Variants in ARID1B observed in about 807,000 individuals in gnomAD.
ARID1B encodes the protein AT-rich interactive domain-containing protein 1B.
Under a neutral mutation model 212.3 loss-of-function variants are expected in ARID1B, and 30 were observed. The ratio of observed to expected loss-of-function variants is 0.14; its 90% CI spans 0.11 to 0.19. The LOEUF is 0.19. Ranked by LOEUF, ARID1B falls within the 10% of genes least tolerant of loss-of-function variation. ARID1B has a pLI of 1.00. For missense variants in ARID1B, 2,891 were observed against 3,204.0 expected (o/e 0.90, Z 2.36); for synonymous variants, 1,402 against 1,301.7 (o/e 1.08, Z -1.66).
intron 5 of ARID1B, among the ~76,000 whole-genome samples, chr6:157,106,460 C>T (rs1322061004): frequency 6.6e-6 from 1 of 152,136 alleles, no homozygotes; most frequent in Non-Finnish European, 1.5e-5. Context: ...GGAGTGAGGT[C>T]CTGAGATTCT....
intron 4 of ARID1B, among the ~76,000 whole-genome samples, chr6:156,970,846 T>C (rs1490227370): frequency 1.3e-5 from 2 of 152,212 alleles, no homozygotes; most frequent in African/African-American, 4.8e-5. Context: ...CTCAGTTCTC[T>C]CTCAGCCTAG....
chr6:157,019,512 T>A (rs1389546074), intron 4 of ARID1B, among the ~76,000 whole-genome samples: 1 of 152,222 alleles, frequency 6.6e-6, no homozygotes, highest in African/African-American at 2.4e-5. Flanking sequence ...TAGTGTTACC[T>A]GAGTCCATGT....
Position 157,208,715 on chromosome 6 carries a change from C to CTT in ARID1B, c.*841_*842dup, listed in dbSNP as rs878880822. 3,244 of 150,012 alleles carry CTT rather than the reference C, an allele frequency of 0.022. 104 individuals are homozygous for CTT. The highest frequency in any genetic ancestry group is 0.099 in the African/African-American group (2,808 of 28,360). 9.3% of individuals were successfully genotyped at this position (150,012 alleles called of 1,614,324 possible). On this transcript the variant is annotated 3_prime_UTR_variant, in exon 20 of 20. Coordinates refer to ENST00000636930, the MANE Select transcript of ARID1B (RefSeq NM_001374828.1). ...AAACATACCCTCATTTTTTTCTTTT[C>CTT]TTTTTTTTTTTTTTTTTTAGTACAA...
At chr6:157,042,252 C>G (rs956563985) in intron 4 of ARID1B, among the ~76,000 whole-genome samples, 5 of 152,136 alleles carry the variant, frequency 3.3e-5, no homozygotes, top group Admixed American at 1.3e-4. Flanking sequence ...GGGGTAAATT[C>G]TTAGGGCTTG....
At chr6:156,959,991 C>A (rs1022041581) in intron 4 of ARID1B, among the ~76,000 whole-genome samples, 1 of 144,322 alleles carries the variant, frequency 6.9e-6, no homozygotes, top group African/African-American at 2.6e-5. Flanking sequence ...AGTGCAATGG[C>A]GCGATCTTGG....
At chr6:157,189,526 A>G in intron 13 of ARID1B, 116 bp from the exon 14 acceptor site, 1 of 1,244,870 alleles carries the variant, frequency 8.0e-7, no homozygotes. Flanking sequence ...ACTGTTTCTA[A>G]TAAGATGGTG....
intron 12 of ARID1B, among the ~76,000 whole-genome samples, chr6:157,183,816 T>C (rs150954698): frequency 0.024 from 3,719 of 152,318 alleles, 139 homozygotes; most frequent in African/African-American, 0.084. Context: ...GGTGAGGGGA[T>C]GGGTACGGCC....
rs1394730320 is a variant in ARID1B at position 156,778,450 on chromosome 6, C to G, written c.770C>G (p.Pro257Arg). ...DSAAGGQADP[P>R]GPPLLSKPGD... ...GCTGCGGGCGGCCAGGCCGACCCCC[C>G]GGGCCCGCCGCTGCTGAGCAAGCCG... Residue 257 changes from proline (P) to arginine (R), a missense_variant, in exon 1 of 20, where the codon CCG becomes CGG. Physicochemically the swap from Pro to Arg is moderately radical, Grantham distance 103 (BLOSUM62 -2). Coordinates refer to ENST00000636930, the MANE Select transcript of ARID1B (RefSeq NM_001374828.1). 7.1e-7 allele frequency: 1 copy of G among 1,406,236 alleles called. No homozygotes were observed. The highest frequency in any genetic ancestry group is 9.2e-7 in the Non-Finnish European group (1 of 1,088,874). 87.1% of individuals were successfully genotyped at this position (1,406,236 alleles called of 1,614,324 possible). A position where few individuals can be genotyped will look rare whatever the true frequency, so the allele number is the denominator to read the frequency against.
chr6:157,126,447 C>T (rs547246482), intron 6 of ARID1B, among the ~76,000 whole-genome samples: 13 of 151,612 alleles, frequency 8.6e-5, no homozygotes, highest in African/African-American at 3.1e-4. Flanking sequence ...TTTTTTTTCC[C>T]CTAAAGGGCA....
chr6:157,123,719 A>C (rs1367495685), intron 6 of ARID1B, among the ~76,000 whole-genome samples: 15 of 152,248 alleles, frequency 9.9e-5, no homozygotes, highest in Admixed American at 8.5e-4. Context: ...TAAATGGTGG[A>C]TTGCATTAAA....
chr6:156,826,171 G>A (rs287875), intron 1 of ARID1B, among the ~76,000 whole-genome samples: 3,474 of 152,292 alleles, frequency 0.023, 62 homozygotes, highest in Non-Finnish European at 0.038. Context: ...TTGCTTGTAG[G>A]CTGTGGGGCC....
At position 157,001,528 on chromosome 6, in the gene ARID1B, C is replaced by T. The variant is rs182636476; in HGVS notation, c.2247+65952C>T. ...CATCGAAGCAGCTACTTCATGGTCT[C>T]CCTGTTTTAAGTTATTGAAGGTCCC... is the stretch of plus-strand genomic sequence containing the variant. On this transcript the variant is annotated intron_variant, in intron 4 of 19. Transcript: ENST00000636930. Among the ~76,000 whole-genome samples the T allele has an allele frequency of 1.0e-3, 156 of 152,278 alleles. 1 individual carries two copies. Among genetic ancestry groups the T allele is most frequent in the Non-Finnish European group, 1.3e-4 (9 of 68,018 alleles).
rs1426072822 is a variant in ARID1B at position 157,210,707 on chromosome 6, A to C, written c.*2816A>C. 1 of 124,292 alleles carries C rather than the reference A, an allele frequency of 8.0e-6. No homozygotes were observed. 7.7% of individuals were successfully genotyped at this position (124,292 alleles called of 1,614,324 possible). On this transcript the variant is annotated 3_prime_UTR_variant, in exon 20 of 20. Transcript: ENST00000636930. ...GATGCCCAGACTTTACATGTGTACC[A>C]AAAAAAAAAAAAAGATAAAAAATAA...
At chr6:156,874,313 C>A (rs1023173888) in intron 2 of ARID1B, among the ~76,000 whole-genome samples, 2 of 152,202 alleles carry the variant, frequency 1.3e-5, no homozygotes, top group African/African-American at 4.8e-5. Context: ...AGCTATCCAG[C>A]CACTTCAGCC....
At chr6:156,887,074 A>G (rs1339325078) in intron 2 of ARID1B, among the ~76,000 whole-genome samples, 1 of 152,184 alleles carries the variant, frequency 6.6e-6, no homozygotes, top group Middle Eastern at 3.2e-3. Context: ...AGATTTATTT[A>G]TTTATAAACC....
intron 8 of ARID1B, among the ~76,000 whole-genome samples, chr6:157,153,766 G>T (rs1316817284): frequency 3.3e-5 from 5 of 152,148 alleles, no homozygotes; most frequent in Admixed American, 6.5e-5. Flanking sequence ...CTCCCAAGTA[G>T]TTGGTACTAC....
At chr6:157,018,830 A>G (rs1016431952) in intron 4 of ARID1B, among the ~76,000 whole-genome samples, 2 of 152,222 alleles carry the variant, frequency 1.3e-5, no homozygotes, top group African/African-American at 4.8e-5. Context: ...GATTATATAT[A>G]CAACAGTAAA....
At chr6:156,860,084 T>C (rs1785222688) in intron 2 of ARID1B, among the ~76,000 whole-genome samples, 1 of 152,222 alleles carries the variant, frequency 6.6e-6, no homozygotes, top group Non-Finnish European at 1.5e-5. Flanking sequence ...GTCCATTGCA[T>C]AAATGACATG....
intron 2 of ARID1B, chr6:156,870,483 C>G (rs1786039232): frequency 6.6e-6 from 1 of 152,182 alleles, no homozygotes; most frequent in Non-Finnish European, 1.5e-5. Context: ...CTTAGGGTAA[C>G]ATGGAATAAA....
Sources: allele counts gnomAD v4.1 joint callset (sites outside exome capture counted in the v4.1 genomes callset), GRCh38; gene constraint gnomAD v4.1.1; transcripts MANE v1.5; gene names NCBI Gene and HGNC (gene_info 2026-07-23, HGNC 2026-07-21).